The following PPP6R3 variants were observed in gnomAD, a reference collection of about 807,000 sequenced individuals.
The protein encoded by PPP6R3 is protein phosphatase 6 regulatory subunit 3.
In PPP6R3, 38 loss-of-function variants were observed where a neutral mutation model predicts 110.7. That is an observed-to-expected ratio of 0.34 (90% CI 0.26 to 0.45). The LOEUF (loss-of-function observed/expected upper bound fraction) is 0.45, where lower values mean the gene tolerates loss of function less well. PPP6R3 is among the 20% of genes least tolerant of loss of function. The pLI, the probability that PPP6R3 is intolerant of heterozygous loss-of-function variation, is 1.00. For missense variants in PPP6R3, 870 were observed against 1,062.4 expected (o/e 0.82, Z 2.52); for synonymous variants, 369 against 373.5 (o/e 0.99, Z 0.14).
chr11:68,517,126 A>G (rs1404700999), intron 1 of PPP6R3, among the ~76,000 whole-genome samples: 2 of 146,340 alleles, frequency 1.4e-5, no homozygotes, highest in Non-Finnish European at 3.0e-5. Flanking sequence ...TTTTTTTAGA[A>G]CCCCTGTTGG....
At chr11:68,578,393 G>A (rs2099540274) in intron 14 of PPP6R3, among the ~76,000 whole-genome samples, 1 of 152,176 alleles carries the variant, frequency 6.6e-6, no homozygotes, top group Non-Finnish European at 1.5e-5. Flanking sequence ...CTTGTCACTG[G>A]AATTGGTAGT....
chr11:68,591,818 G>GT lies in PPP6R3; in HGVS notation c.1916+121dup, dbSNP rs549150032. ...CATACATGTTAACCCAGAAACCAGT[G>GT]TTTTTTTTTGTCATGGCCAGAAATG... is the stretch of plus-strand genomic sequence containing the variant. On this transcript the variant is annotated intron_variant, in intron 18 of 23. Coordinates refer to ENST00000393800, the MANE Select transcript of PPP6R3 (RefSeq NM_001164161.2). The GT allele has an allele frequency of 3.8e-3, 4,665 of 1,235,846 alleles. 3 individuals carry two copies. The highest frequency in any genetic ancestry group is 6.3e-3 in the East Asian group (223 of 35,210). 76.6% of individuals were successfully genotyped at this position (1,235,846 alleles called of 1,614,324 possible). A position where few individuals can be genotyped will look rare whatever the true frequency, so the allele number is the denominator to read the frequency against.
intron 8 of PPP6R3, among the ~76,000 whole-genome samples, chr11:68,561,150 G>A (rs2099418099): frequency 6.6e-6 from 1 of 152,152 alleles, no homozygotes; most frequent in Non-Finnish European, 1.5e-5. Flanking sequence ...GCCTCCCAAA[G>A]TGCTGGGATT....
intron 23 of PPP6R3, among the ~76,000 whole-genome samples, chr11:68,611,010 T>C (rs1943140556): frequency 6.6e-6 from 1 of 152,192 alleles, no homozygotes; most frequent in South Asian, 2.1e-4. Flanking sequence ...CCTTTGTTTT[T>C]GTGATTAGAA....
intron 8 of PPP6R3, among the ~76,000 whole-genome samples, chr11:68,559,421 G>A (rs543147088): frequency 3.9e-5 from 6 of 152,340 alleles, no homozygotes; most frequent in South Asian, 2.1e-4. Flanking sequence ...ATTGTGTGAT[G>A]TAGAGGTTGG....
intron 1 of PPP6R3, among the ~76,000 whole-genome samples, chr11:68,511,864 G>C (rs995666968): frequency 6.6e-6 from 1 of 152,024 alleles, no homozygotes; most frequent in Non-Finnish European, 1.5e-5. Context: ...TACATATTCA[G>C]ATCTTCCCTC....
intron 19 of PPP6R3, among the ~76,000 whole-genome samples, chr11:68,598,613 A>G (rs550887240): frequency 1.4e-4 from 22 of 152,276 alleles, no homozygotes; most frequent in African/African-American, 5.1e-4. Context: ...AGCCTCTGCC[A>G]TTCCACCAGT....
rs548544943 is a variant in PPP6R3, at chr11:68,537,798, T to C, written c.134T>C (p.Ile45Thr). 90 of 1,614,056 alleles carry C rather than the reference T, an allele frequency of 5.6e-5. No individual in the cohort carries two copies. The highest frequency in any genetic ancestry group is 1.7e-4 in the Middle Eastern group (1 of 6,060). The change falls in exon 3 of 24, where the codon ATA (isoleucine) becomes ACA (threonine). Residue 45 changes from isoleucine (I) to threonine (T), a missense_variant. By Grantham distance (89) the Ile-to-Thr change is moderately conservative (BLOSUM62 -1). Transcript: ENST00000393800. ...QECKAQNRKL[I>T]EFLLKAECLE... ...TGTAAAGCTCAGAACCGCAAACTTA[T>C]AGAGTTTCTGTTAAAAGCAGAATGT...
At chr11:68,506,895 C>T (rs2099081335) in intron 1 of PPP6R3, among the ~76,000 whole-genome samples, 2 of 152,148 alleles carry the variant, frequency 1.3e-5, no homozygotes, top group East Asian at 3.8e-4. Context: ...CTTGGCTGAG[C>T]CCACTAAATG....
intron 1 of PPP6R3, among the ~76,000 whole-genome samples, chr11:68,484,019 A>G (rs1264149561): frequency 6.6e-6 from 1 of 152,224 alleles, no homozygotes; most frequent in African/African-American, 2.4e-5. Flanking sequence ...ATATGCATTA[A>G]GTTTTCTTCA....
At chr11:68,489,702 GTC>G (rs1316850021) in intron 1 of PPP6R3, among the ~76,000 whole-genome samples, 1 of 151,060 alleles carries the variant, frequency 6.6e-6, no homozygotes, top group African/African-American at 2.4e-5. Context: ...TATAATTAAA[GTC>G]TGTGCTTTTT....
At chr11:68,598,660 G>T (rs967336647) in intron 19 of PPP6R3, among the ~76,000 whole-genome samples, 1 of 152,218 alleles carries the variant, frequency 6.6e-6, no homozygotes, top group Non-Finnish European at 1.5e-5. Context: ...TGGACATTCA[G>T]AATCATTTAA....
Position 68,614,062 on chromosome 11 carries a change from T to C in PPP6R3, c.*945T>C. On this transcript the variant is annotated 3_prime_UTR_variant, in exon 24 of 24. Transcript: ENST00000393800. ...TTTAACAGACCTAAAATAAATCCTA[T>C]TAGGCAAGTCAGTTGAAAATGCTCG... is the stretch of plus-strand genomic sequence containing the variant. The C allele has an allele frequency of 7.1e-6, 7 of 985,868 alleles. No homozygotes were observed. The highest frequency in any genetic ancestry group is 8.4e-6 in the Non-Finnish European group (7 of 829,974). The allele number at this position is 985,868 out of a possible 1,614,324, so 61.1% of individuals were successfully genotyped here. A position where few individuals can be genotyped will look rare whatever the true frequency, so the allele number is the denominator to read the frequency against.
intron 2 of PPP6R3, among the ~76,000 whole-genome samples, chr11:68,525,143 G>A (rs2099189780): frequency 6.6e-6 from 1 of 152,228 alleles, no homozygotes. Context: ...CTGGTCTTCA[G>A]TAGTAAGTCA....
chr11:68,533,870 G>T (rs2099255183), intron 2 of PPP6R3, among the ~76,000 whole-genome samples: 1 of 152,140 alleles, frequency 6.6e-6, no homozygotes, highest in Non-Finnish European at 1.5e-5. Context: ...AGGCCACGCT[G>T]CTGGAGCACA....
chr11:68,508,453 T>A (rs1260854002), intron 1 of PPP6R3, among the ~76,000 whole-genome samples: 2 of 152,106 alleles, frequency 1.3e-5, no homozygotes, highest in Non-Finnish European at 2.9e-5. Flanking sequence ...TAAATAAATT[T>A]AGTGTCCATA....
intron 4 of PPP6R3, among the ~76,000 whole-genome samples, chr11:68,545,933 C>A (rs893478445): frequency 6.6e-6 from 1 of 152,206 alleles, no homozygotes; most frequent in Non-Finnish European, 1.5e-5. Flanking sequence ...TGTGATGATA[C>A]GGGGCAAAAG....
At chr11:68,542,389 G>GTTTGTTTTTTTTTTTTT (rs2099321682) in intron 3 of PPP6R3, among the ~76,000 whole-genome samples, 1 of 40,188 alleles carries the variant, frequency 2.5e-5, no homozygotes, top group African/African-American at 1.0e-4. Flanking sequence ...AGAAGCTGCT[G>GTTTGTTTTTTTTTTTTT]TTTTTTTTTT....
intron 13 of PPP6R3, 59 bp from the exon 14 acceptor site, chr11:68,575,899 A>G (rs1315517486): frequency 1.5e-6 from 2 of 1,298,368 alleles, no homozygotes; most frequent in Non-Finnish European, 2.2e-6. Context: ...TGCTTACTTT[A>G]TTTGTCTCCG....
Sources: gnomAD v4.1 joint callset for allele counts (sites outside exome capture counted in the v4.1 genomes callset) on GRCh38, gnomAD v4.1.1 for gene constraint, MANE v1.5 for transcripts, NCBI Gene and HGNC (gene_info 2026-07-23, HGNC 2026-07-21) for gene names.